Variants in NSG2 observed in about 807,000 individuals in gnomAD.
NSG2 encodes neuronal vesicle trafficking-associated protein 2.
In NSG2, 4 loss-of-function variants were observed where a neutral mutation model predicts 16.9. The ratio of observed to expected loss-of-function variants is 0.24; its 90% CI spans 0.12 to 0.54. NSG2 has a LOEUF of 0.54. NSG2 is among the 20% of genes least tolerant of loss of function. The pLI, the probability that NSG2 is intolerant of heterozygous loss-of-function variation, is 0.95. For missense variants in NSG2, 179 were observed against 221.1 expected (o/e 0.81, Z 1.21); for synonymous variants, 98 against 88.7 (o/e 1.11, Z -0.59).
At chr5:174,092,145 A>G (rs1760730687) in intron 3 of NSG2, among the ~76,000 whole-genome samples, 1 of 152,232 alleles carries the variant, frequency 6.6e-6, no homozygotes, top group South Asian at 2.1e-4. Flanking sequence ...ATCAGAATCT[A>G]TGTGTACTCA....
At chr5:174,104,139 T>C in intron 3 of NSG2, 89 bp from the exon 4 acceptor site, 1 of 889,460 alleles carries the variant, frequency 1.1e-6, no homozygotes, top group Non-Finnish European at 1.9e-6. Flanking sequence ...CACACCATGC[T>C]GCCTGCCAGT....
intron 3 of NSG2, among the ~76,000 whole-genome samples, chr5:174,091,981 G>C (rs1243413477): frequency 1.3e-5 from 2 of 152,190 alleles, no homozygotes; most frequent in African/African-American, 4.8e-5. Context: ...GATGATTTAA[G>C]GATGTGAGTT....
At chr5:174,046,243 T>C (rs1759793193) in intron 1 of NSG2, 1 of 153,908 alleles carries the variant, frequency 6.5e-6, no homozygotes, top group Admixed American at 6.4e-5. Flanking sequence ...TGTAACAGGG[T>C]ACACATTGAG....
chr5:174,066,694 T>TA (rs201020960), intron 3 of NSG2, among the ~76,000 whole-genome samples: 2,412 of 151,194 alleles, frequency 0.016, 29 homozygotes, highest in East Asian at 0.025. Context: ...TGTGCTTTTT[T>TA]AAAAAAAAAC....
chr5:174,056,042 G>A (rs1386879558), intron 2 of NSG2: 1 of 152,186 alleles, frequency 6.6e-6, no homozygotes, highest in Non-Finnish European at 1.5e-5. Flanking sequence ...GGCCCCATCT[G>A]GGCAACTTCA....
chr5:174,093,826 A>T (rs74728521), intron 3 of NSG2, among the ~76,000 whole-genome samples: 1,649 of 152,264 alleles, frequency 0.011, 43 homozygotes, highest in African/African-American at 0.037. Context: ...TTTATGGTGC[A>T]CTGTGGTGCT....
chr5:174,100,764 C>T (rs1288422753), intron 3 of NSG2, among the ~76,000 whole-genome samples: 1 of 152,216 alleles, frequency 6.6e-6, no homozygotes, highest in African/African-American at 2.4e-5. Flanking sequence ...GAAGAGCTCA[C>T]CCTGTAAAGG....
intron 3 of NSG2, among the ~76,000 whole-genome samples, chr5:174,089,170 C>T (rs954805554): frequency 5.9e-5 from 9 of 152,102 alleles, no homozygotes; most frequent in African/African-American, 2.2e-4. Flanking sequence ...AAGGACTAGC[C>T]CCAAATGGCA....
At position 174,060,065 on chromosome 5, in the gene NSG2, G is replaced by A. The variant is rs142512959; in HGVS notation, c.130-4167G>A. Among the ~76,000 whole-genome samples, 734 of 152,262 alleles carry A rather than the reference G, an allele frequency of 4.8e-3. 5 individuals carry two copies. Among genetic ancestry groups the A allele is most frequent in the African/African-American group, 0.017 (687 of 41,552 alleles). On this transcript the variant is annotated intron_variant, in intron 2 of 4. Coordinates refer to ENST00000303177, the MANE Select transcript of NSG2 (RefSeq NM_015980.5). ...CATGGCTGCCACACAGTGAGGCAGG[G>A]GTGGGTTCCCAAAAGGAATATCATA...
intron 3 of NSG2, among the ~76,000 whole-genome samples, chr5:174,089,648 T>C (rs745602218): frequency 7.9e-5 from 12 of 152,080 alleles, no homozygotes; most frequent in Non-Finnish European, 1.5e-4. Flanking sequence ...TTTGAGACAG[T>C]TCTTGCTTGA....
intron 2 of NSG2, among the ~76,000 whole-genome samples, chr5:174,053,642 T>A (rs1187545591): frequency 1.3e-5 from 2 of 152,170 alleles, no homozygotes; most frequent in African/African-American, 4.8e-5. Context: ...AGATGAATTG[T>A]AAATCATCTC....
intron 2 of NSG2, among the ~76,000 whole-genome samples, chr5:174,058,447 A>G (rs534298294): frequency 6.6e-6 from 1 of 152,306 alleles, no homozygotes; most frequent in South Asian, 2.1e-4. Flanking sequence ...ACAAACAAAG[A>G]AACAAAAAAA....
intron 3 of NSG2, among the ~76,000 whole-genome samples, chr5:174,066,506 A>G (rs1253248305): frequency 6.6e-6 from 1 of 152,224 alleles, no homozygotes; most frequent in African/African-American, 2.4e-5. Context: ...CATCCATATG[A>G]TGAACTACTT....
intron 3 of NSG2, among the ~76,000 whole-genome samples, chr5:174,077,242 A>G (rs1760360433): frequency 6.6e-6 from 1 of 152,160 alleles, no homozygotes; most frequent in African/African-American, 2.4e-5. Context: ...AATCTTGCAG[A>G]TATTTCAACT....
At position 174,090,956 on chromosome 5, in the gene NSG2, G is replaced by C. The variant is rs560034480; in HGVS notation, c.214-13272G>C. Among the ~76,000 whole-genome samples, 148 of 151,772 alleles carry C rather than the reference G, an allele frequency of 9.8e-4. 1 individual carries two copies. The highest frequency in any genetic ancestry group is 3.5e-3 in the African/African-American group (147 of 41,438). On this transcript the variant is annotated intron_variant, in intron 3 of 4. Coordinates refer to ENST00000303177, the MANE Select transcript of NSG2 (RefSeq NM_015980.5). ...GGAATGCCTAGCAGTGCCACACATT[G>C]AAATTTGGGAATGATATTTAATTTT...
chr5:174,046,569 G>A, intron 1 of NSG2, 165 bp from the exon 2 acceptor site: 1 of 597,652 alleles, frequency 1.7e-6, no homozygotes, highest in Non-Finnish European at 2.9e-6. Flanking sequence ...AGTTTTGTTG[G>A]ACAATGGGAA....
chr5:174,063,344 G>A (rs935209388), intron 2 of NSG2, among the ~76,000 whole-genome samples: 2 of 152,080 alleles, frequency 1.3e-5, no homozygotes, highest in Admixed American at 6.6e-5. Context: ...TTGTCAGGTT[G>A]ACAGCATATC....
At chr5:174,089,382 A>T (rs1346285292) in intron 3 of NSG2, among the ~76,000 whole-genome samples, 1 of 152,168 alleles carries the variant, frequency 6.6e-6, no homozygotes, top group Admixed American at 6.5e-5. Context: ...CACCAGAGGG[A>T]AACCCATGAG....
At position 174,046,892 on chromosome 5, in the gene NSG2, A is replaced by G. The variant is rs958650799; in HGVS notation, c.129+8A>G. 1.9e-6 allele frequency: 3 copies of G among 1,613,956 alleles called. No homozygotes were observed. The highest frequency in any genetic ancestry group is 2.5e-6 in the Non-Finnish European group (3 of 1,179,922). ...CTGCCTGCTCCAGAAAAGGTAAAGCATGTCCTCTTGCTCTCATCAGCCCCC... is the reference window on the plus strand; with the variant it reads ...CTGCCTGCTCCAGAAAAGGTAAAGCGTGTCCTCTTGCTCTCATCAGCCCCC... On this transcript the variant is annotated splice_region_variant and intron_variant, in intron 2 of 4. Coordinates refer to ENST00000303177, the MANE Select transcript of NSG2 (RefSeq NM_015980.5).
Sources: allele counts gnomAD v4.1 joint callset (sites outside exome capture counted in the v4.1 genomes callset), GRCh38; gene constraint gnomAD v4.1.1; transcripts MANE v1.5; gene names NCBI Gene and HGNC (gene_info 2026-07-23, HGNC 2026-07-21).